Variants in PALM2AKAP2 observed in about 807,000 individuals in gnomAD.
PALM2AKAP2 encodes PALM2 and AKAP2 fusion, also known as PALM2-AKAP2 fusion protein.
Under a neutral mutation model 71.5 loss-of-function variants are expected in PALM2AKAP2, and 37 were observed. That is an observed-to-expected ratio of 0.52 (90% CI 0.40 to 0.68). The LOEUF is 0.68. Ranked by LOEUF, PALM2AKAP2 falls within the 30% of genes least tolerant of loss-of-function variation. The probability of loss-of-function intolerance (pLI) is 0.00; values close to 1 mark genes in which losing one functional copy is unlikely to be tolerated. For synonymous variants in PALM2AKAP2, 468 were observed against 478.8 expected (o/e 0.98, Z 0.29); for missense variants, 1,224 against 1,191.8 (o/e 1.03, Z -0.40).
At chr9:110,005,778 C>T (rs1420718532) in intron 6 of PALM2AKAP2, among the ~76,000 whole-genome samples, 4 of 152,206 alleles carry the variant, frequency 2.6e-5, no homozygotes, top group Non-Finnish European at 5.9e-5. Flanking sequence ...TCTCAGACTG[C>T]TGTGCTAGCA....
intron 1 of PALM2AKAP2, among the ~76,000 whole-genome samples, chr9:109,802,827 C>T (rs992504503): frequency 1.3e-4 from 20 of 152,172 alleles, no homozygotes; most frequent in Non-Finnish European, 2.2e-4. Flanking sequence ...GGAGGAAGAG[C>T]GTAAATTTAG....
chr9:110,128,174 A>G (rs1370904494), intron 1 of PALM2AKAP2, among the ~76,000 whole-genome samples: 2 of 152,206 alleles, frequency 1.3e-5, no homozygotes. Context: ...TCTGGGCATC[A>G]TCCACCAGCC....
chr9:109,781,434 A>T (rs1024365136), intron 1 of PALM2AKAP2, among the ~76,000 whole-genome samples: 6 of 152,250 alleles, frequency 3.9e-5, no homozygotes, highest in Admixed American at 2.6e-4. Context: ...TATTGGCATA[A>T]AAGAATCTCC....
intron 2 of PALM2AKAP2, among the ~76,000 whole-genome samples, chr9:110,139,975 G>T (rs992205954): frequency 6.6e-6 from 1 of 152,198 alleles, no homozygotes; most frequent in Non-Finnish European, 1.5e-5. Flanking sequence ...GGTGACAGGT[G>T]TCAACTCTGA....
chr9:109,982,377 T>C (rs1832289206), intron 6 of PALM2AKAP2, among the ~76,000 whole-genome samples: 1 of 152,132 alleles, frequency 6.6e-6, no homozygotes, highest in African/African-American at 2.4e-5. Context: ...CTAGAATGAA[T>C]AAGATCTAAT....
chr9:110,065,489 AGTGTGGGGTCTTAG>A (rs1250623858), intron 1 of PALM2AKAP2, among the ~76,000 whole-genome samples: 1 of 152,172 alleles, frequency 6.6e-6, no homozygotes, highest in African/African-American at 2.4e-5. Flanking sequence ...GGTGTCCCAG[AGTGTGGGGTCTTAG>A]GTGTGAGCCA....
At chr9:109,835,399 C>T (rs575135414) in intron 1 of PALM2AKAP2, among the ~76,000 whole-genome samples, 15 of 147,270 alleles carry the variant, frequency 1.0e-4, no homozygotes, top group African/African-American at 3.3e-4. Context: ...AGGGTGGGGG[C>T]GGTTCCAAGA....
At chr9:110,032,411 C>T (rs1048282987) in intron 7 of PALM2AKAP2, among the ~76,000 whole-genome samples, 6 of 151,646 alleles carry the variant, frequency 4.0e-5, no homozygotes, top group African/African-American at 9.7e-5. Flanking sequence ...GAAAAAAAAC[C>T]GCCGGGTGCG....
chr9:109,877,227 G>A (rs1829741399), intron 2 of PALM2AKAP2, among the ~76,000 whole-genome samples: 1 of 152,084 alleles, frequency 6.6e-6, no homozygotes, highest in Non-Finnish European at 1.5e-5. Context: ...GAAGCACCCT[G>A]AAAGTGTGGT....
intron 6 of PALM2AKAP2, among the ~76,000 whole-genome samples, chr9:110,011,014 A>AAAAAATATATAT (rs35212981): frequency 3.2e-4 from 22 of 69,576 alleles, no homozygotes; most frequent in African/African-American, 1.5e-3. Flanking sequence ...AAAAAAAAAA[A>AAAAAATATATAT]ATATATATAT....
intron 2 of PALM2AKAP2, among the ~76,000 whole-genome samples, chr9:109,876,276 C>T: frequency 6.6e-6 from 1 of 152,056 alleles, no homozygotes; most frequent in South Asian, 2.1e-4. Flanking sequence ...TACACCATTC[C>T]ATTTGGAGAC....
chr9:110,144,621 A>G (rs1213260121), intron 2 of PALM2AKAP2, among the ~76,000 whole-genome samples: 1 of 152,246 alleles, frequency 6.6e-6, no homozygotes. Flanking sequence ...TGAACATACT[A>G]TTATTTAACA....
chr9:110,036,648 T>A (rs1412777603), intron 7 of PALM2AKAP2, among the ~76,000 whole-genome samples: 1 of 152,080 alleles, frequency 6.6e-6, no homozygotes, highest in African/African-American at 2.4e-5. Flanking sequence ...CTGCTTGAAA[T>A]AATGCAGTGG....
At chr9:110,035,684 CATATATAGGATATGTT>C (rs1564271744) in intron 7 of PALM2AKAP2, among the ~76,000 whole-genome samples, 1 of 98,442 alleles carries the variant, frequency 1.0e-5, no homozygotes, top group African/African-American at 4.5e-5. Flanking sequence ...TTATATATAA[CATATATAGGATATGTT>C]GTGTGTTATA....
upstream of PALM2AKAP2, among the ~76,000 whole-genome samples, chr9:109,778,553 T>C (rs888175756): frequency 2.0e-5 from 3 of 152,192 alleles, no homozygotes; most frequent in African/African-American, 7.2e-5. Flanking sequence ...GGCACTGGCT[T>C]GGATTTATTA....
intron 1 of PALM2AKAP2, among the ~76,000 whole-genome samples, chr9:109,832,822 A>G (rs1457579048): frequency 6.6e-6 from 1 of 152,114 alleles, no homozygotes; most frequent in Non-Finnish European, 1.5e-5. Flanking sequence ...TTAAAATGCA[A>G]ATCTCTGAGC....
intron 7 of PALM2AKAP2, among the ~76,000 whole-genome samples, chr9:110,031,561 G>GTA (rs1247864856): frequency 1.3e-5 from 2 of 152,128 alleles, no homozygotes; most frequent in African/African-American, 2.4e-5. Context: ...GGTGTTTAGG[G>GTA]TATTCTATTA....
chr9:110,083,366 G>A (rs2118717101), intron 1 of PALM2AKAP2, among the ~76,000 whole-genome samples: 1 of 152,138 alleles, frequency 6.6e-6, no homozygotes, highest in East Asian at 1.9e-4. Context: ...AACAGAAAAC[G>A]AGGCAACAAC....
Position 109,684,102 on chromosome 9 carries a change from A to G in PALM2AKAP2, c.5+43236A>G, listed in dbSNP as rs190786304. Reference sequence around the variant, plus strand: ...GCTTGTAGAAAGGGGATTCATAAGCATTTCCTAGCCTGATGAATGGCATAT... The same window carrying G: ...GCTTGTAGAAAGGGGATTCATAAGCGTTTCCTAGCCTGATGAATGGCATAT... On this transcript the variant is annotated intron_variant, in intron 1 of 6. Transcript: ENST00000374531. 1.2e-3 allele frequency among the ~76,000 whole-genome samples: 179 copies of G among 152,242 alleles called. 1 individual carries two copies. The highest frequency in any genetic ancestry group is 4.0e-3 in the African/African-American group (168 of 41,546).
Sources: gnomAD v4.1 joint callset for allele counts (sites outside exome capture counted in the v4.1 genomes callset) on GRCh38, gnomAD v4.1.1 for gene constraint, MANE v1.5 for transcripts, NCBI Gene and HGNC (gene_info 2026-07-23, HGNC 2026-07-21) for gene names.